Variants in FBXL13 observed in about 807,000 individuals in gnomAD.
The protein encoded by FBXL13 is F-box and leucine rich repeat protein 13.
FBXL13 carries 67 observed loss-of-function variants against 83.6 expected under a neutral mutation model. The observed-to-expected ratio is 0.80, with a 90% confidence interval of 0.66 to 0.98. The LOEUF is 0.98. FBXL13 is among the 50% of genes least tolerant of loss of function. The probability of loss-of-function intolerance (pLI) is 0.00; values close to 1 mark genes in which losing one functional copy is unlikely to be tolerated. For missense variants in FBXL13, 822 were observed against 866.5 expected, an observed-to-expected ratio of 0.95 and a Z score of 0.64; for synonymous variants, 272 against 299.5, an observed-to-expected ratio of 0.91 and a Z score of 0.95.
At chr7:102,952,284 G>A (rs1005113775) in intron 8 of FBXL13, among the ~76,000 whole-genome samples, 3 of 152,170 alleles carry the variant, frequency 2.0e-5, no homozygotes, top group African/African-American at 7.2e-5. Flanking sequence ...GATGATGGTT[G>A]CATAAGAATG....
At chr7:103,060,062 ATAC>A (rs1310955816) in intron 1 of FBXL13, among the ~76,000 whole-genome samples, 11 of 112,040 alleles carry the variant, frequency 9.8e-5, no homozygotes, top group East Asian at 9.4e-4. Flanking sequence ...ATATATATAT[ATAC>A]TTTTTTTTTT....
chr7:103,056,528 G>A (rs539116386), intron 1 of FBXL13, among the ~76,000 whole-genome samples: 28 of 151,934 alleles, frequency 1.8e-4, no homozygotes, highest in African/African-American at 6.5e-4. Flanking sequence ...GTGCTATCTC[G>A]GCTCACTGCA....
At chr7:102,933,240 A>G (rs1159533128) in intron 8 of FBXL13, 1 of 152,130 alleles carries the variant, frequency 6.6e-6, no homozygotes, top group African/African-American at 2.4e-5. Context: ...TCTGGAGCCC[A>G]CACCCAACAT....
chr7:103,004,836 T>C (rs900259874), intron 6 of FBXL13, among the ~76,000 whole-genome samples: 1 of 152,180 alleles, frequency 6.6e-6, no homozygotes, highest in Non-Finnish European at 1.5e-5. Context: ...ATAATCCTGG[T>C]GCTCATTTTC....
At chr7:103,017,840 C>T (rs1792562785) in intron 6 of FBXL13, among the ~76,000 whole-genome samples, 1 of 152,046 alleles carries the variant, frequency 6.6e-6, no homozygotes, top group South Asian at 2.1e-4. Flanking sequence ...AAGACCAAAC[C>T]TAGTTCTGAT....
intron 6 of FBXL13, among the ~76,000 whole-genome samples, chr7:103,015,500 A>G (rs1253155953): frequency 6.6e-6 from 1 of 152,184 alleles, no homozygotes; most frequent in Non-Finnish European, 1.5e-5. Context: ...GTTTCAGGAT[A>G]CAAAATCACT....
chr7:103,004,854 GA>G (rs1240521573), intron 6 of FBXL13, among the ~76,000 whole-genome samples: 9 of 152,182 alleles, frequency 5.9e-5, no homozygotes, highest in Non-Finnish European at 1.3e-4. Context: ...TTCAGAGGGG[GA>G]GAGTGAAGGC....
In FBXL13 at chr7:102,910,525, G is replaced by A. The variant is rs146436288; in HGVS notation, c.1008+2561C>T. 2.3e-3 allele frequency among the ~76,000 whole-genome samples: 344 copies of A among 151,792 alleles called. 1 individual carries two copies. The highest frequency in any genetic ancestry group is 4.0e-3 in the Non-Finnish European group (269 of 67,960). On this transcript the variant is annotated intron_variant, in intron 11 of 19. Coordinates refer to ENST00000313221, the Ensembl canonical transcript of FBXL13. ...CAATCTCTGTTTTCCAGTTTGTCACGGGCTCTCAACTGTAAATAGCCTATG... is the reference window on the plus strand; with the variant it reads ...CAATCTCTGTTTTCCAGTTTGTCACAGGCTCTCAACTGTAAATAGCCTATG...
At chr7:102,834,530 A>G (rs2129448041) in intron 17 of FBXL13, 1 of 150,652 alleles carries the variant, frequency 6.6e-6, no homozygotes, top group East Asian at 1.9e-4. Flanking sequence ...GATTTTATAT[A>G]CTGTGTTAGT....
At chr7:103,026,570 G>C (rs1793934779) in intron 5 of FBXL13, among the ~76,000 whole-genome samples, 1 of 152,204 alleles carries the variant, frequency 6.6e-6, no homozygotes, top group Admixed American at 6.5e-5. Context: ...AAGACCACCA[G>C]CTCAAAACCT....
intron 14 of FBXL13, among the ~76,000 whole-genome samples, chr7:102,881,075 C>T (rs7779618): frequency 6.6e-5 from 10 of 152,094 alleles, no homozygotes; most frequent in African/African-American, 2.4e-4. Flanking sequence ...TATATTTAAT[C>T]ACGGATCTGA....
At position 102,833,009 on chromosome 7, in the gene FBXL13, C is replaced by A. The variant is rs78652796; in HGVS notation, c.1720-35G>T. ...ATTCCAAGGTCAAATTTTTTCTTTT[C>A]TTTAGTCATCTAGAACTGTCTTACT... is the stretch of plus-strand genomic sequence containing the variant. On this transcript the variant is annotated intron_variant, in intron 17 of 19. Transcript: ENST00000313221. 17,736 of 1,610,706 alleles carry A rather than the reference C, an allele frequency of 0.011. 870 individuals carry two copies. In the East Asian group the frequency reaches 0.15, roughly 13 times the overall value.
chr7:102,884,276 A>G, exon 12 of FBXL13: 1 of 1,613,832 alleles, frequency 6.2e-7, no homozygotes, highest in Non-Finnish European at 8.5e-7. Context: ...ATTCCAGTGC[A>G]GCTGTTTGCA....
At chr7:103,043,351 G>A (rs1795939261) in intron 2 of FBXL13, among the ~76,000 whole-genome samples, 1 of 152,176 alleles carries the variant, frequency 6.6e-6, no homozygotes, top group African/African-American at 2.4e-5. Context: ...GGAGAAACAG[G>A]AATGCTTTTA....
intron 6 of FBXL13, among the ~76,000 whole-genome samples, chr7:102,976,844 C>A (rs575591668): frequency 2.0e-5 from 3 of 152,296 alleles, no homozygotes; most frequent in African/African-American, 7.2e-5. Flanking sequence ...TCGCTTAGTC[C>A]AGGACCTCAG....
intron 2 of FBXL13, among the ~76,000 whole-genome samples, chr7:103,035,909 C>G (rs1165465480): frequency 6.6e-6 from 1 of 152,190 alleles, no homozygotes; most frequent in African/African-American, 2.4e-5. Context: ...CACATAGTAT[C>G]ATTCTAGAAT....
chr7:103,033,428 G>A (rs1048798163), intron 2 of FBXL13, among the ~76,000 whole-genome samples: 8 of 152,206 alleles, frequency 5.3e-5, no homozygotes, highest in South Asian at 2.1e-4. Flanking sequence ...GAATGAAGCC[G>A]CGGACCCTCG....
chr7:102,934,458 G>A, intron 8 of FBXL13: 3 of 1,614,150 alleles, frequency 1.9e-6, no homozygotes, highest in Non-Finnish European at 2.5e-6. Flanking sequence ...CAGATTCCCA[G>A]GAACCGGAAT....
chr7:102,963,964 C>T (rs1345220700), intron 7 of FBXL13, among the ~76,000 whole-genome samples: 2 of 151,994 alleles, frequency 1.3e-5, no homozygotes, highest in African/African-American at 4.8e-5. Flanking sequence ...ATACAAGTGG[C>T]CAAGAAATAG....
Sources: gnomAD v4.1 joint callset for allele counts (sites outside exome capture counted in the v4.1 genomes callset) on GRCh38, gnomAD v4.1.1 for gene constraint, MANE v1.5 for transcripts, NCBI Gene and HGNC (gene_info 2026-07-23, HGNC 2026-07-21) for gene names.